YAE1: variants seen among roughly 807,000 people sequenced by gnomAD.
YAE1 encodes the protein YAE1 maturation factor of ABCE1, also known as protein YAE1 homolog.
YAE1 carries 22 observed loss-of-function variants against 23.0 expected under a neutral mutation model. The ratio of observed to expected loss-of-function variants is 0.96; its 90% CI spans 0.68 to 1.37. The LOEUF is 1.37. YAE1 is among the 40% of genes most tolerant of loss of function. YAE1 has a pLI of 0.00. For synonymous variants in YAE1, 101 were observed against 97.0 expected (o/e 1.04, Z -0.24); for missense variants, 260 against 262.1 (o/e 0.99, Z 0.06).
chr7:39,602,730 TTTTGTTTGTTTGTTTG>T (rs146264281), intron 2 of YAE1, among the ~76,000 whole-genome samples: 1 of 151,384 alleles, frequency 6.6e-6, no homozygotes, highest in South Asian at 2.1e-4. Flanking sequence ...AAGTTTGGTT[TTTTGTTTGTTTGTTTG>T]TTTGTTTGTT....
intron 2 of YAE1, among the ~76,000 whole-genome samples, chr7:39,578,308 G>T (rs1790687802): frequency 6.6e-6 from 1 of 152,178 alleles, no homozygotes; most frequent in South Asian, 2.1e-4. Flanking sequence ...AAAACAGACC[G>T]ATCAGCTCTC....
Position 39,572,325 on chromosome 7 carries a change from CAATAA to C in YAE1, c.307_311del (p.Ile103GlnfsTer10). 6.2e-7 allele frequency: 1 copy of C among 1,613,778 alleles called. No individual in the cohort carries two copies. Among genetic ancestry groups the C allele is most frequent in the Non-Finnish European group, 8.5e-7 (1 of 1,179,868 alleles). On this transcript the variant is annotated frameshift_variant, in exon 3 of 3. Coordinates refer to ENST00000223273, the MANE Select transcript of YAE1 (RefSeq NM_020192.5). LOFTEE classifies it high-confidence loss of function. ...TTCATAATAATAATTCAACTTTGAT[CAATAA>C]AATAAACAATCTTCTGGATGCAGTT... is the stretch of plus-strand genomic sequence containing the variant.
At chr7:39,576,868 G>A (rs1014414711), downstream of YAE1, among the ~76,000 whole-genome samples, 25 of 152,056 alleles carry the variant, frequency 1.6e-4, no homozygotes, top group African/African-American at 5.8e-4. Flanking sequence ...AAAATACATC[G>A]TGTTACATTC....
chr7:39,597,126 C>T (rs1329704975), intron 2 of YAE1, among the ~76,000 whole-genome samples: 1 of 152,180 alleles, frequency 6.6e-6, no homozygotes. Flanking sequence ...TGAACTGTGG[C>T]TTCTTCATAG....
At chr7:39,592,977 T>C (rs920836354) in intron 2 of YAE1, among the ~76,000 whole-genome samples, 1 of 152,096 alleles carries the variant, frequency 6.6e-6, no homozygotes, top group Non-Finnish European at 1.5e-5. Context: ...TAATGCTGTT[T>C]AACAAGTCAC....
chr7:39,593,177 C>CTTATTTTTT (rs1790924971), intron 2 of YAE1, among the ~76,000 whole-genome samples: 1 of 72,112 alleles, frequency 1.4e-5, no homozygotes, highest in Non-Finnish European at 2.3e-5. Context: ...TTGGTTATTT[C>CTTATTTTTT]TTTTTTTTTT....
At chr7:39,575,765 A>T (rs992139615), downstream of YAE1, among the ~76,000 whole-genome samples, 1 of 152,118 alleles carries the variant, frequency 6.6e-6, no homozygotes, top group Non-Finnish European at 1.5e-5. Context: ...CAAATTCTTA[A>T]TTTCTCATGC....
rs1032056318 is a variant in YAE1, at chr7:39,572,762, A to G, written c.*56A>G. 17 of 1,515,598 alleles carry G rather than the reference A, an allele frequency of 1.1e-5. No homozygotes were observed. The highest frequency in any genetic ancestry group is 4.2e-5 in the African/African-American group (3 of 71,448). The allele number at this position is 1,515,598 out of a possible 1,614,324, so 93.9% of individuals were successfully genotyped here. On this transcript the variant is annotated 3_prime_UTR_variant, in exon 3 of 3. Transcript: ENST00000223273. Reference sequence around the variant, plus strand: ...GTTCAGAACATTTGGTTTCCTAACAATCGAAATTTGTACTGGTTTCTGCAT... The same window carrying G: ...GTTCAGAACATTTGGTTTCCTAACAGTCGAAATTTGTACTGGTTTCTGCAT...
At position 39,572,292 on chromosome 7, in the gene YAE1, G is replaced by A. The variant is rs1309947245; in HGVS notation, c.267G>A (p.Trp89Ter). ...TTTTGTTCAGTGCTTTGCTCTCCTGGTGTCACCTTCATAATAATAATTCAA... is the reference window on the plus strand; with the variant it reads ...TTTTGTTCAGTGCTTTGCTCTCCTGATGTCACCTTCATAATAATAATTCAA... The part of the protein sequence containing the change: ...LRGTLSALLS[W>*]CHLHNNNSTL... The change falls in exon 3 of 3, where the codon TGG (tryptophan) becomes TGA (stop). Residue 89 changes from tryptophan (W) to a stop codon, truncating the protein, a stop_gained. Coordinates refer to ENST00000223273, the MANE Select transcript of YAE1 (RefSeq NM_020192.5). LOFTEE classifies it high-confidence loss of function. 1 of 1,611,878 alleles carries A rather than the reference G, an allele frequency of 6.2e-7. No homozygotes were observed. Among genetic ancestry groups the A allele is most frequent in the Non-Finnish European group, 8.5e-7 (1 of 1,178,716 alleles).
chr7:39,570,134 G>T, intron 1 of YAE1: 1 of 844,920 alleles, frequency 1.2e-6, no homozygotes, highest in East Asian at 2.5e-5. Flanking sequence ...GTGGGTCCAG[G>T]GAGCACCCCC....
chr7:39,599,102 A>T (rs74932068), intron 2 of YAE1, among the ~76,000 whole-genome samples: 21,579 of 151,786 alleles, frequency 0.14, 3,988 homozygotes, highest in African/African-American at 0.43. Context: ...TGGCGAGGCG[A>T]GGTGGTGCAT....
Position 39,566,475 on chromosome 7 carries a change from G to T in YAE1, c.57G>T (p.Val19=), listed in dbSNP as rs7777434. The change falls in exon 1 of 3, where the codon GTG becomes GTT. Residue 19 remains valine, a synonymous_variant. Coordinates refer to ENST00000223273, the MANE Select transcript of YAE1 (RefSeq NM_020192.5). ...AGGGCCCTGGAGACAAAGGGGACGT[G>T]TTTGACGAAGAAGCAGACGAGTCGC... is the stretch of plus-strand genomic sequence containing the variant. The part of the protein sequence containing the change: ...LIQGPGDKGD[V]FDEEADESLL... 9.2e-3 allele frequency: 14,794 copies of T among 1,614,188 alleles called. 1,087 individuals are homozygous for T. In the African/African-American group the frequency reaches 0.17, roughly 18 times the overall value.
At chr7:39,589,403 G>A (rs1790867856) in intron 2 of YAE1, among the ~76,000 whole-genome samples, 1 of 152,056 alleles carries the variant, frequency 6.6e-6, no homozygotes, top group East Asian at 1.9e-4. Flanking sequence ...AAGTAGCTGG[G>A]ACTACAGGCA....
At chr7:39,595,177 C>T (rs532650626) in intron 2 of YAE1, among the ~76,000 whole-genome samples, 1 of 152,038 alleles carries the variant, frequency 6.6e-6, no homozygotes, top group South Asian at 2.1e-4. Flanking sequence ...TCTGATTTAC[C>T]CTTCAATTCT....
chr7:39,600,112 T>A (rs1180440954), intron 2 of YAE1, among the ~76,000 whole-genome samples: 1 of 152,168 alleles, frequency 6.6e-6, no homozygotes, highest in Non-Finnish European at 1.5e-5. Context: ...CGTATCCAAT[T>A]TATTACTGTA....
intron 2 of YAE1, among the ~76,000 whole-genome samples, chr7:39,591,546 A>C (rs1474048932): frequency 6.6e-6 from 1 of 152,146 alleles, no homozygotes; most frequent in Admixed American, 6.5e-5. Flanking sequence ...GTTTAAGTTC[A>C]CAGCAAAATT....
At chr7:39,592,343 T>C (rs1262638599) in intron 2 of YAE1, among the ~76,000 whole-genome samples, 1 of 152,240 alleles carries the variant, frequency 6.6e-6, no homozygotes, top group African/African-American at 2.4e-5. Context: ...CATCAGTATT[T>C]AGTGTCATCT....
chr7:39,584,136 C>G (rs1246428889), intron 2 of YAE1, among the ~76,000 whole-genome samples: 1 of 152,044 alleles, frequency 6.6e-6, no homozygotes, highest in Non-Finnish European at 1.5e-5. Context: ...CTCCTCACCA[C>G]CCCCCACCCC....
chr7:39,604,286 A>C (rs1165196191), intron 2 of YAE1, among the ~76,000 whole-genome samples: 1 of 152,234 alleles, frequency 6.6e-6, no homozygotes, highest in African/African-American at 2.4e-5. Context: ...AGTTTCTTAC[A>C]CATCTAATTG....
Sources: allele counts gnomAD v4.1 joint callset (sites outside exome capture counted in the v4.1 genomes callset), GRCh38; gene constraint gnomAD v4.1.1; transcripts MANE v1.5; gene names NCBI Gene and HGNC (gene_info 2026-07-23, HGNC 2026-07-21).